Variants in MYO3B observed in about 807,000 individuals in gnomAD.
The protein encoded by MYO3B is myosin-IIIb.
MYO3B carries 156 observed loss-of-function variants against 174.6 expected under a neutral mutation model. That is an observed-to-expected ratio of 0.89 (90% confidence interval 0.78 to 1.02). MYO3B has a LOEUF of 1.02. Ranked by LOEUF, MYO3B falls within the 50% of genes least tolerant of loss-of-function variation. The pLI is 0.00. For missense variants in MYO3B, 1,632 were observed against 1,639.4 expected (o/e 1.00, Z 0.08); for synonymous variants, 563 against 569.1 (o/e 0.99, Z 0.15).
At chr2:170,371,783 G>A (rs1281349637) in intron 9 of MYO3B, among the ~76,000 whole-genome samples, 5 of 151,432 alleles carry the variant, frequency 3.3e-5, no homozygotes, top group East Asian at 3.9e-4. Flanking sequence ...ATGGCCACCC[G>A]GCAGGCAGTG....
At chr2:170,422,226 G>A (rs1055448212) in intron 22 of MYO3B, among the ~76,000 whole-genome samples, 6 of 152,132 alleles carry the variant, frequency 3.9e-5, no homozygotes, top group Non-Finnish European at 5.9e-5. Flanking sequence ...TTAAGGAAAT[G>A]GGGTCTCACT....
intron 7 of MYO3B, among the ~76,000 whole-genome samples, chr2:170,254,915 C>T (rs2093290471): frequency 6.6e-6 from 1 of 152,150 alleles, no homozygotes; most frequent in Non-Finnish European, 1.5e-5. Flanking sequence ...AGGTTTAGGA[C>T]AAAACTAGTT....
At chr2:170,540,679 A>T (rs999192918) in intron 30 of MYO3B, among the ~76,000 whole-genome samples, 6 of 150,206 alleles carry the variant, frequency 4.0e-5, no homozygotes, top group African/African-American at 1.3e-4. Flanking sequence ...AAAAACAAAA[A>T]AACAGCAACA....
chr2:170,562,391 T>A (rs1691769000), intron 32 of MYO3B, among the ~76,000 whole-genome samples: 1 of 152,320 alleles, frequency 6.6e-6, no homozygotes, highest in Admixed American at 6.5e-5. Flanking sequence ...AGTTTTTACA[T>A]TGTCTCTAGT....
chr2:170,583,666 T>C (rs1404039676), intron 32 of MYO3B, among the ~76,000 whole-genome samples: 1 of 152,218 alleles, frequency 6.6e-6, no homozygotes, highest in Non-Finnish European at 1.5e-5. Context: ...GTTAAGTGTT[T>C]TTCACACAAT....
chr2:170,432,719 G>T (rs1411867350), intron 22 of MYO3B, among the ~76,000 whole-genome samples: 1 of 152,016 alleles, frequency 6.6e-6, no homozygotes, highest in Admixed American at 6.6e-5. Flanking sequence ...TGGGACTACA[G>T]GCGCCTGCCA....
At chr2:170,388,646 G>A (rs1315655362) in intron 14 of MYO3B, among the ~76,000 whole-genome samples, 1 of 152,166 alleles carries the variant, frequency 6.6e-6, no homozygotes, top group Non-Finnish European at 1.5e-5. Flanking sequence ...AATGGATTGG[G>A]GGAGATGCAA....
At chr2:170,575,770 C>T (rs1283288257) in intron 32 of MYO3B, among the ~76,000 whole-genome samples, 1 of 152,154 alleles carries the variant, frequency 6.6e-6, no homozygotes, top group Non-Finnish European at 1.5e-5. Flanking sequence ...TCCTCTAATA[C>T]ATATTCTATA....
At chr2:170,534,445 T>G (rs912010944) in intron 30 of MYO3B, among the ~76,000 whole-genome samples, 1 of 152,134 alleles carries the variant, frequency 6.6e-6, no homozygotes, top group Non-Finnish European at 1.5e-5. Flanking sequence ...TGTCCTGTTT[T>G]TTTGTTTGTT....
intron 1 of MYO3B, among the ~76,000 whole-genome samples, chr2:170,195,035 G>A (rs1394956868): frequency 1.3e-5 from 2 of 151,982 alleles, no homozygotes; most frequent in Non-Finnish European, 2.9e-5. Flanking sequence ...TCTGGCAACT[G>A]ATTAGATGGT....
chr2:170,583,401 G>A (rs1693283415), intron 32 of MYO3B, among the ~76,000 whole-genome samples: 3 of 152,052 alleles, frequency 2.0e-5, no homozygotes, highest in Non-Finnish European at 4.4e-5. Flanking sequence ...CCGTTCCCTT[G>A]GCCACATCAA....
At chr2:170,182,438 T>C (rs944440113) in intron 1 of MYO3B, among the ~76,000 whole-genome samples, 18 of 152,146 alleles carry the variant, frequency 1.2e-4, no homozygotes, top group African/African-American at 4.1e-4. Context: ...TATTTCTTTG[T>C]GTATTTGAGT....
At chr2:170,494,044 T>G (rs1357349834) in intron 25 of MYO3B, among the ~76,000 whole-genome samples, 1 of 152,240 alleles carries the variant, frequency 6.6e-6, no homozygotes, top group Non-Finnish European at 1.5e-5. Context: ...CCTCAGAAAC[T>G]GTGTAATGAT....
intron 25 of MYO3B, among the ~76,000 whole-genome samples, chr2:170,488,914 A>G (rs1686252252): frequency 6.6e-6 from 1 of 152,214 alleles, no homozygotes; most frequent in Non-Finnish European, 1.5e-5. Flanking sequence ...CCTCACACGT[A>G]TGTCAAGGAG....
At chr2:170,337,019 C>T (rs540648707) in intron 8 of MYO3B, among the ~76,000 whole-genome samples, 12 of 151,434 alleles carry the variant, frequency 7.9e-5, no homozygotes, top group Non-Finnish European at 1.3e-4. Context: ...CCCTTTAGCC[C>T]CACGTTGACA....
intron 6 of MYO3B, among the ~76,000 whole-genome samples, chr2:170,230,645 C>A (rs77379797): frequency 3.3e-5 from 5 of 151,954 alleles, no homozygotes; most frequent in African/African-American, 1.2e-4. Context: ...ACATAAAATT[C>A]GCTTCTTTCT....
chr2:170,397,937 C>T (rs2094450365), intron 16 of MYO3B, among the ~76,000 whole-genome samples: 1 of 152,114 alleles, frequency 6.6e-6, no homozygotes, highest in African/African-American at 2.4e-5. Flanking sequence ...TAGGATACAA[C>T]TCTGCTGGGC....
chr2:170,214,311 A>ATTTCTT, intron 3 of MYO3B, 68 bp from the exon 4 acceptor site: 1 of 1,356,230 alleles, frequency 7.4e-7, no homozygotes, highest in South Asian at 1.3e-5. Flanking sequence ...GCTTTTCTTA[A>ATTTCTT]TTTCTTTTTC....
chr2:170,515,103 C>T (rs1575102264), intron 29 of MYO3B, 81 bp downstream of exon 29: 1 of 1,173,824 alleles, frequency 8.5e-7, no homozygotes, highest in Non-Finnish European at 1.2e-6. Flanking sequence ...AAGTGATCAC[C>T]TCTTATATAA....
Sources: allele counts gnomAD v4.1 joint callset (sites outside exome capture counted in the v4.1 genomes callset), GRCh38; gene constraint gnomAD v4.1.1; transcripts MANE v1.5; gene names NCBI Gene and HGNC (gene_info 2026-07-23, HGNC 2026-07-21).